LLGL2: variants seen among roughly 807,000 people sequenced by gnomAD.
LLGL2 encodes LLGL2, scribble cell polarity complex component.
Under a neutral mutation model 123.2 loss-of-function variants are expected in LLGL2, and 81 were observed. That is an observed-to-expected ratio of 0.66 (90% CI 0.55 to 0.79). LLGL2 has a LOEUF of 0.79. Ranked by LOEUF, LLGL2 falls within the 30% of genes least tolerant of loss-of-function variation. The probability of loss-of-function intolerance (pLI) is 0.00; values close to 1 mark genes in which losing one functional copy is unlikely to be tolerated. For synonymous variants in LLGL2, 577 were observed against 594.1 expected (o/e 0.97, Z 0.42); for missense variants, 1,273 against 1,414.6 (o/e 0.90, Z 1.61).
At chr17:75,568,108 G>C (rs1220194302) in intron 10 of LLGL2, 1 of 1,161,792 alleles carries the variant, frequency 8.6e-7, no homozygotes, top group Non-Finnish European at 1.1e-6. Flanking sequence ...TGCTGCCTGT[G>C]GGGAGAGGCT....
At chr17:75,536,081 C>A (rs1017138512) in intron 1 of LLGL2, among the ~76,000 whole-genome samples, 2 of 152,198 alleles carry the variant, frequency 1.3e-5, no homozygotes, top group African/African-American at 4.8e-5. Context: ...CAGAGCAGGG[C>A]AGAACAGGGA....
At position 75,558,938 on chromosome 17, in the gene LLGL2, C is replaced by G. The variant is rs577393786; in HGVS notation, c.371+311C>G. 174 of 377,666 alleles carry G rather than the reference C, an allele frequency of 4.6e-4. 1 individual carries two copies. The highest frequency in any genetic ancestry group is 1.6e-3 in the Middle Eastern group (2 of 1,250). 23.4% of individuals were successfully genotyped at this position (377,666 alleles called of 1,614,324 possible). A position where few individuals can be genotyped will look rare whatever the true frequency, so the allele number is the denominator to read the frequency against. On this transcript the variant is annotated intron_variant, in intron 5 of 25. Coordinates refer to ENST00000392550, the MANE Select transcript of LLGL2 (RefSeq NM_001031803.2). This position sits in a 1 kb window ranked among gnomAD's most constrained non-coding sequence, Gnocchi z 4.0. ...CCATCCGCACCCCACCTCCTCCATC[C>G]GCACCCCGCCTCCTCCATCCGCACC...
chr17:75,548,597 C>G (rs997613141), intron 2 of LLGL2, among the ~76,000 whole-genome samples: 2 of 151,562 alleles, frequency 1.3e-5, no homozygotes, highest in Non-Finnish European at 2.9e-5. Flanking sequence ...GTCAGGAGTT[C>G]GAGATCAGCC....
In LLGL2 at chr17:75,559,076, C is replaced by G; in HGVS notation, c.372-176C>G. 2.9e-6 allele frequency: 2 copies of G among 700,982 alleles called. No individual in the cohort carries two copies. Among genetic ancestry groups the G allele is most frequent in the Non-Finnish European group, 4.6e-6 (2 of 434,430 alleles). 43.4% of individuals were successfully genotyped at this position (700,982 alleles called of 1,614,324 possible). ...TCTTTCCTGCCTCCTAGCCCAGGCT[C>G]TCTGCCATCTGTCTCCTGTCTTGGC... is the stretch of plus-strand genomic sequence containing the variant. On this transcript the variant is annotated intron_variant, in intron 5 of 25. Coordinates refer to ENST00000392550, the MANE Select transcript of LLGL2 (RefSeq NM_001031803.2). This position sits in a 1 kb window ranked among gnomAD's most constrained non-coding sequence, Gnocchi z 4.6.
intron 10 of LLGL2, among the ~76,000 whole-genome samples, chr17:75,565,377 G>A (rs1015794220): frequency 7.9e-5 from 12 of 152,224 alleles, no homozygotes; most frequent in South Asian, 2.1e-4. Flanking sequence ...GTGAGGGGGC[G>A]GGGCTGTTCA....
At chr17:75,530,712 A>C (rs936091650) in intron 1 of LLGL2, among the ~76,000 whole-genome samples, 17 of 150,862 alleles carry the variant, frequency 1.1e-4, no homozygotes, top group African/African-American at 4.2e-4. Flanking sequence ...ATTACATGGG[A>C]TCGTAGGAGG....
Position 75,564,389 on chromosome 17 carries a change from G to T in LLGL2, c.918G>T (p.Arg306=), listed in dbSNP as rs138768921. Residue 306 remains arginine, a synonymous_variant, in exon 10 of 26, where the codon CGG becomes CGT. Coordinates refer to ENST00000392550, the MANE Select transcript of LLGL2 (RefSeq NM_001031803.2). This position sits in a 1 kb window ranked among gnomAD's most constrained non-coding sequence, Gnocchi z 4.9. ...CCATCTTCCAGGGTGGCATGCCACG[G>T]GCCAGCTACGGGGACCGCCACTGCA... ...PFTIFQGGMP[R]ASYGDRHCIS... 6.2e-7 allele frequency: 1 copy of T among 1,612,566 alleles called. No homozygotes were observed.
chr17:75,571,055 G>A lies in LLGL2; in HGVS notation c.2131G>A (p.Gly711Ser). The A allele has an allele frequency of 6.2e-7, 1 of 1,613,008 alleles. No individual in the cohort carries two copies. Among genetic ancestry groups the A allele is most frequent in the Non-Finnish European group, 8.5e-7 (1 of 1,179,944 alleles). Residue 711 changes from glycine (G) to serine (S), a missense_variant, in exon 17 of 26, where the codon GGC becomes AGC. Transcript: ENST00000392550. ...EARSAEDSFT[G>S]FVRTLYFADT... ...TCGCTCGGCAGAGGACTCCTTCACA[G>A]GCTTCGTCCGGACCCTGTACTTTGC...
chr17:75,545,552 G>A (rs1407358276), intron 2 of LLGL2, among the ~76,000 whole-genome samples: 1 of 152,030 alleles, frequency 6.6e-6, no homozygotes, highest in African/African-American at 2.4e-5. Flanking sequence ...TGGAGGATGA[G>A]GCCAGATCCC....
In LLGL2 at chr17:75,569,127, G is replaced by T. The variant is rs766073577; in HGVS notation, c.1472G>T (p.Arg491Leu). 9 of 1,613,290 alleles carry T rather than the reference G, an allele frequency of 5.6e-6. No individual in the cohort carries two copies. Among genetic ancestry groups the T allele is most frequent in the South Asian group, 3.3e-5 (3 of 91,034 alleles). Residue 491 changes from arginine to leucine, a missense_variant, in exon 13 of 26, where the codon CGC becomes CTC. Arg to Leu is a moderately radical substitution (Grantham distance 102). Coordinates refer to ENST00000392550, the MANE Select transcript of LLGL2 (RefSeq NM_001031803.2). ...GGCGAGGACGAGTGGCCCCCACTCC[G>T]CAAGGTGAGGCCAGGAGCCTGGGAC... ...AQGEDEWPPL[R>L]KVGSFDPYSD... is the part of the protein sequence containing the mutation.
At chr17:75,555,904 C>T (rs554308067) in intron 2 of LLGL2, 142 bp from the exon 3 acceptor site, 2 of 641,418 alleles carry the variant, frequency 3.1e-6, no homozygotes, top group African/African-American at 3.6e-5. Flanking sequence ...GGGTTAGGCT[C>T]CAACACTCAG....
At chr17:75,568,115 G>A in intron 10 of LLGL2, 1 of 1,179,886 alleles carries the variant, frequency 8.5e-7, no homozygotes. Context: ...TGTGGGGAGA[G>A]GCTTGACAGG....
At chr17:75,563,916 C>A in intron 9 of LLGL2, 110 bp downstream of exon 9, 1 of 1,089,158 alleles carries the variant, frequency 9.2e-7, no homozygotes, top group Non-Finnish European at 1.4e-6. Context: ...TCTCAGGTCC[C>A]GTGTTGGGGT....
rs2055558945 is a variant in LLGL2, at chr17:75,568,789, T to G, written c.1272T>G (p.Gly424=). 6.2e-7 allele frequency: 1 copy of G among 1,604,532 alleles called. No homozygotes were observed. ...HFSTMEWPID[G]GTSLTPAPPQ... Reference sequence around the variant, plus strand: ...TTTTCTAGGAGTGGCCAATTGATGGTGGCACCAGCCTGACCCCAGCCCCAC... The same window carrying G: ...TTTTCTAGGAGTGGCCAATTGATGGGGGCACCAGCCTGACCCCAGCCCCAC... Residue 424 remains glycine, a synonymous_variant, in exon 12 of 26, where the codon GGT becomes GGG. Transcript: ENST00000392550.
At position 75,573,006 on chromosome 17, in the gene LLGL2, G is replaced by A. The variant is rs762328870; in HGVS notation, c.2461-8G>A. 24 of 1,595,854 alleles carry A rather than the reference G, an allele frequency of 1.5e-5. No individual in the cohort carries two copies. In the Middle Eastern group the frequency reaches 6.7e-4, roughly 44 times the overall value. On this transcript the variant is annotated splice_polypyrimidine_tract_variant and splice_region_variant and intron_variant, in intron 19 of 25. Coordinates refer to ENST00000392550, the MANE Select transcript of LLGL2 (RefSeq NM_001031803.2). ...CCATGGGCATGAACAACCACCCCAC[G>A]CCCCCAGGTGTTCACGCTGCCCAAG...
At chr17:75,551,490 G>C (rs966753276) in intron 2 of LLGL2, among the ~76,000 whole-genome samples, 1 of 152,026 alleles carries the variant, frequency 6.6e-6, no homozygotes, top group Admixed American at 6.6e-5. Context: ...GGTGGGGATG[G>C]GGGGGAGGGG....
At chr17:75,571,419 A>C in intron 17 of LLGL2, 1 of 586,078 alleles carries the variant, frequency 1.7e-6, no homozygotes, top group Non-Finnish European at 3.0e-6. Flanking sequence ...AGCAGCTGTG[A>C]CGATCGGGGA....
At chr17:75,530,426 G>A (rs553391050) in intron 1 of LLGL2, among the ~76,000 whole-genome samples, 2 of 152,206 alleles carry the variant, frequency 1.3e-5, no homozygotes, top group East Asian at 1.9e-4. Context: ...CGAGGCAGGC[G>A]GATCACGAGG....
In LLGL2 at chr17:75,570,136, T is replaced by G. The variant is rs2055630038; in HGVS notation, c.1755T>G (p.Cys585Trp). The G allele has an allele frequency of 6.3e-7, 1 of 1,594,038 alleles. No homozygotes were observed. The highest frequency in any genetic ancestry group is 8.5e-7 in the Non-Finnish European group (1 of 1,170,850). Residue 585 changes from cysteine to tryptophan, a missense_variant, in exon 15 of 26, where the codon TGT becomes TGG. Coordinates refer to ENST00000392550, the MANE Select transcript of LLGL2 (RefSeq NM_001031803.2). ...PGFQPFVLVQ[C>W]QPPAVVTSLA... is the part of the protein sequence containing the mutation. ...TTCAGCCCTTCGTGTTGGTGCAGTG[T>G]CAGCCCCCGGCTGTGGTCACCTCCT...
Sources: gnomAD v4.1 joint callset for allele counts (sites outside exome capture counted in the v4.1 genomes callset) on GRCh38, gnomAD v4.1.1 for gene constraint, Gnocchi (gnomAD v3.1) non-coding constraint, MANE v1.5 for transcripts, NCBI Gene and HGNC (gene_info 2026-07-23, HGNC 2026-07-21) for gene names.